ABTB2: variants seen among roughly 807,000 people sequenced by gnomAD.
ABTB2 encodes ankyrin repeat and BTB/POZ domain-containing protein 2.
Under a neutral mutation model 104.1 loss-of-function variants are expected in ABTB2, and 56 were observed. That is an observed-to-expected ratio of 0.54 (90% CI 0.43 to 0.67). ABTB2 has a LOEUF of 0.67. Ranked by LOEUF, ABTB2 falls within the 30% of genes least tolerant of loss-of-function variation. The pLI, the probability that ABTB2 is intolerant of heterozygous loss-of-function variation, is 0.00. For missense variants in ABTB2, 1,279 were observed against 1,407.7 expected (o/e 0.91, Z 1.46); for synonymous variants, 606 against 608.2 (o/e 1.00, Z 0.05).
intron 1 of ABTB2, among the ~76,000 whole-genome samples, chr11:34,210,865 C>T (rs570004302): frequency 6.6e-6 from 1 of 152,340 alleles, no homozygotes; most frequent in African/African-American, 2.4e-5. Flanking sequence ...GGGTGCAATC[C>T]ATAAGCTTCT....
At chr11:34,314,016 G>A (rs1435106333) in intron 1 of ABTB2, among the ~76,000 whole-genome samples, 2 of 152,146 alleles carry the variant, frequency 1.3e-5, no homozygotes, top group Non-Finnish European at 2.9e-5. Context: ...GTTATGTGGT[G>A]AATGGATAAA....
chr11:34,203,895 G>T (rs1853374366), intron 2 of ABTB2, among the ~76,000 whole-genome samples: 1 of 152,214 alleles, frequency 6.6e-6, no homozygotes, highest in African/African-American at 2.4e-5. Flanking sequence ...GGGAATGAAG[G>T]CAGCAGAGGA....
At chr11:34,241,566 C>T (rs1033339831) in intron 1 of ABTB2, among the ~76,000 whole-genome samples, 6 of 152,162 alleles carry the variant, frequency 3.9e-5, no homozygotes, top group African/African-American at 1.4e-4. Flanking sequence ...TTTCCCACAT[C>T]CAGAGCTCCA....
intron 2 of ABTB2, among the ~76,000 whole-genome samples, chr11:34,199,236 A>C (rs1341152860): frequency 2.0e-5 from 3 of 152,144 alleles, no homozygotes; most frequent in African/African-American, 7.2e-5. Flanking sequence ...GCTTCCAGGC[A>C]GGGACAAATG....
intron 1 of ABTB2, among the ~76,000 whole-genome samples, chr11:34,288,414 G>A (rs1044045484): frequency 1.3e-5 from 2 of 152,206 alleles, no homozygotes; most frequent in Non-Finnish European, 2.9e-5. Flanking sequence ...AAAAGATAAG[G>A]TCACTCTTCA....
At chr11:34,208,688 C>A (rs969967743) in intron 1 of ABTB2, among the ~76,000 whole-genome samples, 1 of 152,078 alleles carries the variant, frequency 6.6e-6, no homozygotes, top group African/African-American at 2.4e-5. Context: ...AAGCCTCCAC[C>A]TCCTCTTCCA....
intron 1 of ABTB2, among the ~76,000 whole-genome samples, chr11:34,244,230 T>C (rs943562411): frequency 5.9e-5 from 9 of 152,068 alleles, no homozygotes; most frequent in African/African-American, 2.2e-4. Context: ...TCACTTTCAG[T>C]TGTTAAATGA....
At chr11:34,153,589 C>G (rs1374558116) in intron 16 of ABTB2, among the ~76,000 whole-genome samples, 1 of 152,210 alleles carries the variant, frequency 6.6e-6, no homozygotes, top group Non-Finnish European at 1.5e-5. Flanking sequence ...ACTCCTGGTC[C>G]TGCCTCATCC....
At chr11:34,187,205 CA>C (rs1853111892) in intron 3 of ABTB2, among the ~76,000 whole-genome samples, 1 of 152,188 alleles carries the variant, frequency 6.6e-6, no homozygotes, top group African/African-American at 2.4e-5. Context: ...GCTTCCAGCC[CA>C]CGTAAAGATA....
At position 34,272,719 on chromosome 11, in the gene ABTB2, A is replaced by C. The variant is rs574757538; in HGVS notation, c.884-68029T>G. Among the ~76,000 whole-genome samples the C allele has an allele frequency of 4.5e-3, 671 of 148,948 alleles. 3 individuals carry two copies. Among genetic ancestry groups the C allele is most frequent in the Middle Eastern group, 0.045 (13 of 290 alleles). ...AAGACTCCGTCTCAAAAAAAAAAAA[A>C]AAAAAAAAAAAACCAACCAACCATA... is the stretch of plus-strand genomic sequence containing the variant. On this transcript the variant is annotated intron_variant, in intron 1 of 16. Transcript: ENST00000435224.
chr11:34,164,897 G>A (rs1852777337), intron 8 of ABTB2, 76 bp from the exon 9 acceptor site: 1 of 1,527,912 alleles, frequency 6.5e-7, no homozygotes, highest in South Asian at 1.3e-5. Context: ...AGGGAAGGGA[G>A]AGCAGGATTC....
chr11:34,334,649 C>G (rs1373496601), intron 1 of ABTB2, among the ~76,000 whole-genome samples: 1 of 152,200 alleles, frequency 6.6e-6, no homozygotes, highest in Non-Finnish European at 1.5e-5. Flanking sequence ...CCTAATCCTT[C>G]CCTTTCCCTC....
chr11:34,167,071 A>T (rs1161278970), intron 7 of ABTB2, among the ~76,000 whole-genome samples, 188 bp downstream of exon 7: 1 of 152,182 alleles, frequency 6.6e-6, no homozygotes, highest in East Asian at 1.9e-4. Context: ...TTGTCCTTGC[A>T]CTAACCCCTT....
chr11:34,197,125 C>T (rs1853267504), intron 3 of ABTB2, among the ~76,000 whole-genome samples, 200 bp downstream of exon 3: 1 of 144,054 alleles, frequency 6.9e-6, no homozygotes, highest in Admixed American at 6.8e-5. Context: ...TGCATCAGCT[C>T]AGAGGAAAAA....
intron 1 of ABTB2, among the ~76,000 whole-genome samples, chr11:34,338,053 G>A (rs191674523): frequency 1.2e-3 from 185 of 152,010 alleles, no homozygotes; most frequent in Non-Finnish European, 2.0e-3. Context: ...AAACCTGCCC[G>A]TTTATCTAGA....
chr11:34,277,103 T>G (rs573609994), intron 1 of ABTB2, among the ~76,000 whole-genome samples: 1 of 152,276 alleles, frequency 6.6e-6, no homozygotes, highest in South Asian at 2.1e-4. Flanking sequence ...GGTTTCACCA[T>G]GTTGGCCAGG....
At chr11:34,163,862 C>T (rs933560404) in intron 9 of ABTB2, among the ~76,000 whole-genome samples, 2 of 152,054 alleles carry the variant, frequency 1.3e-5, no homozygotes, top group African/African-American at 4.8e-5. Flanking sequence ...GCAGTCTCCA[C>T]GCAGGGTGAA....
chr11:34,182,033 G>A (rs1423447010), intron 3 of ABTB2, among the ~76,000 whole-genome samples: 1 of 152,196 alleles, frequency 6.6e-6, no homozygotes, highest in African/African-American at 2.4e-5. Context: ...GGTGCCAAGT[G>A]GCACCGTCAG....
chr11:34,237,852 C>T (rs942131151), intron 1 of ABTB2, among the ~76,000 whole-genome samples: 1 of 152,100 alleles, frequency 6.6e-6, no homozygotes, highest in African/African-American at 2.4e-5. Flanking sequence ...GGGCCGAGAT[C>T]GCACCATTGC....
Sources: allele counts gnomAD v4.1 joint callset (sites outside exome capture counted in the v4.1 genomes callset), GRCh38; gene constraint gnomAD v4.1.1; transcripts MANE v1.5; gene names NCBI Gene and HGNC (gene_info 2026-07-23, HGNC 2026-07-21).